The following KLHL41 variants were observed in gnomAD, a reference collection of about 807,000 sequenced individuals.
The protein encoded by KLHL41 is kelch-like protein 41.
KLHL41 carries 31 observed loss-of-function variants against 49.2 expected under a neutral mutation model. The observed-to-expected ratio is 0.63, with a 90% CI of 0.47 to 0.85. The LOEUF is 0.85. Among genes scored for constraint, KLHL41 ranks in the 40% least tolerant of loss-of-function variants. The pLI, the probability that KLHL41 is intolerant of heterozygous loss-of-function variation, is 0.00. For synonymous variants in KLHL41, 218 were observed against 258.5 expected (o/e 0.84, Z 1.50); for missense variants, 663 against 726.7 (o/e 0.91, Z 1.01).
Position 169,518,335 on chromosome 2 carries a change from C to G in KLHL41, c.1522C>G (p.Leu508Val). ...TGCAGGAGGTGTCACTGAAGATGGT[C>G]TTTCAGCTTCAGTTGAAGCTTTTGA... ...VIAGGVTEDGLSASVEAFDLT... is the reference protein window; with the variant it reads ...VIAGGVTEDGVSASVEAFDLT... Residue 508 changes from leucine (L) to valine (V), a missense_variant, in exon 4 of 6, where the codon CTT becomes GTT. By Grantham distance (32) the Leu-to-Val change is conservative. Coordinates refer to ENST00000284669, the MANE Select transcript of KLHL41 (RefSeq NM_006063.3). The G allele has an allele frequency of 6.2e-7, 1 of 1,613,768 alleles. No homozygotes were observed. The highest frequency in any genetic ancestry group is 8.5e-7 in the Non-Finnish European group (1 of 1,179,844).
intron 5 of KLHL41, among the ~76,000 whole-genome samples, chr2:169,525,146 G>A (rs1684282191): frequency 6.6e-6 from 1 of 152,174 alleles, no homozygotes; most frequent in Non-Finnish European, 1.5e-5. Flanking sequence ...TGTGTATCAG[G>A]TGCCATGCTA....
At chr2:169,518,466 G>A (rs1684150579) in intron 4 of KLHL41, 91 bp downstream of exon 4, 2 of 979,038 alleles carry the variant, frequency 2.0e-6, no homozygotes, top group Admixed American at 5.0e-5. Context: ...TAATTAGGAT[G>A]TGGGGAGGGG....
At chr2:169,515,620 G>A (rs1025501253) in intron 3 of KLHL41, among the ~76,000 whole-genome samples, 18 of 152,194 alleles carry the variant, frequency 1.2e-4, no homozygotes, top group African/African-American at 3.1e-4. Context: ...AAATTGAAAG[G>A]TATCTTTAAT....
Position 169,510,399 on chromosome 2 carries a change from C to G in KLHL41, c.621C>G (p.Asp207Glu). ...CAGTGATGAAATGGGTGCGAACAGA[C>G]AAGGAAAACAGGGTTAAAAACCTTA... ...FEAVMKWVRTDKENRVKNLSE... is the reference protein window; with the variant it reads ...FEAVMKWVRTEKENRVKNLSE... The change falls in exon 1 of 6, where the codon GAC (aspartate) becomes GAG (glutamate). Residue 207 changes from aspartate (D) to glutamate (E), a missense_variant. Transcript: ENST00000284669. The surrounding 1 kb of genome is among the most constrained non-coding windows in gnomAD (Gnocchi z 4.2). 6.2e-7 allele frequency: 1 copy of G among 1,613,956 alleles called. No individual in the cohort carries two copies. The highest frequency in any genetic ancestry group is 8.5e-7 in the Non-Finnish European group (1 of 1,179,998).
intron 3 of KLHL41, 96 bp from the exon 4 acceptor site, chr2:169,518,094 C>G (rs1004374979): frequency 2.5e-6 from 2 of 805,714 alleles, no homozygotes; most frequent in African/African-American, 1.7e-5. Context: ...TTTTCTGATC[C>G]TACTATATAT....
intron 3 of KLHL41, among the ~76,000 whole-genome samples, chr2:169,516,610 G>T (rs995796796): frequency 2.6e-5 from 4 of 152,198 alleles, no homozygotes; most frequent in Non-Finnish European, 4.4e-5. Context: ...TGATATGTCA[G>T]TAAGAAGCAT....
intron 4 of KLHL41, among the ~76,000 whole-genome samples, chr2:169,519,304 A>C: frequency 6.6e-6 from 1 of 152,290 alleles, no homozygotes; most frequent in Middle Eastern, 3.4e-3. Context: ...AAAAAGAGAA[A>C]TATTATTACT....
At chr2:169,518,154 A>T (rs1395578465) in intron 3 of KLHL41, 36 bp from the exon 4 acceptor site, 1 of 1,521,414 alleles carries the variant, frequency 6.6e-7, no homozygotes, top group East Asian at 2.3e-5. Flanking sequence ...TGTCAAAAAA[A>T]GGTTCTAAAA....
intron 3 of KLHL41, among the ~76,000 whole-genome samples, chr2:169,516,078 G>T (rs1684111520): frequency 6.6e-6 from 1 of 152,172 alleles, no homozygotes; most frequent in South Asian, 2.1e-4. Context: ...AGCATTTTCA[G>T]TTTAGATGGT....
intron 1 of KLHL41, among the ~76,000 whole-genome samples, chr2:169,511,562 T>G (rs552591499): frequency 6.6e-6 from 1 of 152,352 alleles, no homozygotes; most frequent in African/African-American, 2.4e-5. Context: ...GAACTTCATT[T>G]GAAGTTCTTG....
chr2:169,513,077 C>G (rs1230828154), intron 1 of KLHL41, among the ~76,000 whole-genome samples: 2 of 152,120 alleles, frequency 1.3e-5, no homozygotes, highest in African/African-American at 4.8e-5. Context: ...GTTCCATCTG[C>G]TAGAGAAAGT....
In KLHL41 at chr2:169,510,359, A is replaced by C. The variant is rs201591782; in HGVS notation, c.581A>C (p.Glu194Ala). The C allele has an allele frequency of 1.4e-5, 22 of 1,614,188 alleles. No individual in the cohort carries two copies. The East Asian group carries it at 1.6e-4, about 11-fold the overall frequency. The change falls in exon 1 of 6, where the codon GAA (glutamate) becomes GCA (alanine). Residue 194 changes from glutamate (E) to alanine (A), a missense_variant. Transcript: ENST00000284669. This position sits in a 1 kb window ranked among gnomAD's most constrained non-coding sequence, Gnocchi z 4.2. ...GACAGCCTAAATGTAGAAAAAGAAG[A>C]AGCAGTATTTGAGGCAGTGATGAAA... ...SNDSLNVEKE[E>A]AVFEAVMKWV...
At chr2:169,520,534 C>T (rs1192124879) in intron 4 of KLHL41, among the ~76,000 whole-genome samples, 1 of 151,966 alleles carries the variant, frequency 6.6e-6, no homozygotes, top group Non-Finnish European at 1.5e-5. Context: ...TCACTGCAAC[C>T]TCCGCCTCCC....
intron 5 of KLHL41, among the ~76,000 whole-genome samples, chr2:169,524,262 T>A (rs1182744923): frequency 6.6e-6 from 1 of 152,168 alleles, no homozygotes; most frequent in East Asian, 1.9e-4. Flanking sequence ...ATTTTTTGTA[T>A]GCTTTCCTCT....
In KLHL41 at chr2:169,510,974, C is replaced by A; in HGVS notation, c.1110+86C>A. 8.5e-7 allele frequency: 1 copy of A among 1,178,478 alleles called. No individual in the cohort carries two copies. 73.0% of individuals were successfully genotyped at this position (1,178,478 alleles called of 1,614,324 possible). On this transcript the variant is annotated intron_variant, in intron 1 of 5. Coordinates refer to ENST00000284669, the MANE Select transcript of KLHL41 (RefSeq NM_006063.3). This position sits in a 1 kb window ranked among gnomAD's most constrained non-coding sequence, Gnocchi z 4.2. ...TTAGCCAATTTGTGAATTATTCAAG[C>A]TGCTTGCATTTTACTCTAATTGATG...
chr2:169,511,692 C>T (rs1027259820), intron 1 of KLHL41, among the ~76,000 whole-genome samples: 3 of 152,144 alleles, frequency 2.0e-5, no homozygotes, highest in Non-Finnish European at 4.4e-5. Context: ...AAACTGTCTA[C>T]ACAAAAGTCG....
intron 3 of KLHL41, 76 bp from the exon 4 acceptor site, chr2:169,518,114 C>G (rs1321094328): frequency 9.5e-7 from 1 of 1,057,862 alleles, no homozygotes; most frequent in African/African-American, 1.6e-5. Context: ...TTTTTCATGA[C>G]AAGCAAAGCC....
At chr2:169,519,021 G>A (rs891808142) in intron 4 of KLHL41, among the ~76,000 whole-genome samples, 2 of 151,878 alleles carry the variant, frequency 1.3e-5, no homozygotes, top group Non-Finnish European at 2.9e-5. Context: ...TGTCTCTGTG[G>A]AATCATTTGA....
At chr2:169,524,606 C>T (rs952685579) in intron 5 of KLHL41, among the ~76,000 whole-genome samples, 1 of 151,776 alleles carries the variant, frequency 6.6e-6, no homozygotes, top group Non-Finnish European at 1.5e-5. Flanking sequence ...CCATATTGGC[C>T]GGGCTGGTCT....
Sources: gnomAD v4.1 joint callset for allele counts (sites outside exome capture counted in the v4.1 genomes callset) on GRCh38, gnomAD v4.1.1 for gene constraint, Gnocchi (gnomAD v3.1) non-coding constraint, MANE v1.5 for transcripts, NCBI Gene and HGNC (gene_info 2026-07-23, HGNC 2026-07-21) for gene names.